The following SYTL3 variants were observed in gnomAD, a reference collection of about 807,000 sequenced individuals.
SYTL3 encodes synaptotagmin-like protein 3.
In SYTL3, 88 loss-of-function variants were observed where a neutral mutation model predicts 82.1. The observed-to-expected ratio is 1.07, with a 90% confidence interval of 0.90 to 1.28. The LOEUF is 1.28. Ranked by LOEUF, SYTL3 falls within the 50% of genes most tolerant of loss-of-function variation. SYTL3 has a pLI of 0.00. For missense variants in SYTL3, 831 were observed against 757.6 expected (o/e 1.10, Z -1.14); for synonymous variants, 311 against 289.4 (o/e 1.07, Z -0.76).
intron 4 of SYTL3, 23 bp downstream of exon 4, chr6:158,663,401 T>A (rs996423873): frequency 6.2e-7 from 1 of 1,610,292 alleles, no homozygotes; most frequent in African/African-American, 1.3e-5. Flanking sequence ...TCCCGGGGGG[T>A]CACTTTGGGT....
At chr6:158,735,113 C>G (rs893498907) in intron 11 of SYTL3, among the ~76,000 whole-genome samples, 1 of 152,102 alleles carries the variant, frequency 6.6e-6, no homozygotes, top group African/African-American at 2.4e-5. Flanking sequence ...GGTTCAGCCT[C>G]ACTCACTCAG....
At chr6:158,693,276 G>A (rs1306689744) in intron 6 of SYTL3, among the ~76,000 whole-genome samples, 1 of 152,186 alleles carries the variant, frequency 6.6e-6, no homozygotes, top group African/African-American at 2.4e-5. Context: ...GGAGCACAGT[G>A]GCGGGATCTT....
chr6:158,648,060 G>T (rs1787598988), upstream of SYTL3, among the ~76,000 whole-genome samples: 1 of 152,198 alleles, frequency 6.6e-6, no homozygotes, highest in Admixed American at 6.5e-5. Context: ...TTGGGAGGCT[G>T]AGGTGGGCAG....
chr6:158,703,127 CT>C, intron 6 of SYTL3, among the ~76,000 whole-genome samples: 1 of 146,684 alleles, frequency 6.8e-6, no homozygotes. Context: ...GTACTCCAGC[CT>C]GGGCGACAGA....
chr6:158,669,178 A>G (rs1448171435), intron 5 of SYTL3, among the ~76,000 whole-genome samples: 1 of 152,246 alleles, frequency 6.6e-6, no homozygotes, highest in Non-Finnish European at 1.5e-5. Flanking sequence ...AGCTTCATCA[A>G]AAAAATAAGA....
At chr6:158,763,231 C>T in intron 16 of SYTL3, 73 bp from the exon 17 acceptor site, 3 of 1,417,042 alleles carry the variant, frequency 2.1e-6, no homozygotes, top group South Asian at 1.2e-5. Context: ...TTCCCGTCTG[C>T]ACTGACGCAC....
chr6:158,663,109 A>G lies in SYTL3; in HGVS notation c.-160A>G, dbSNP rs1374373574. The G allele has an allele frequency of 8.1e-6, 5 of 616,466 alleles. No homozygotes were observed. The highest frequency in any genetic ancestry group is 1.4e-5 in the Non-Finnish European group (5 of 351,466). 38.2% of individuals were successfully genotyped at this position (616,466 alleles called of 1,614,324 possible). A position where few individuals can be genotyped will look rare whatever the true frequency, so the allele number is the denominator to read the frequency against. Reference sequence around the variant, plus strand: ...AAGGAGTATGACACAGTTAAAAAGGAAAAAAGAACCACAAGCAAAACAGTT... The same window carrying G: ...AAGGAGTATGACACAGTTAAAAAGGGAAAAAGAACCACAAGCAAAACAGTT... On this transcript the variant is annotated 5_prime_UTR_variant, in exon 4 of 18. Transcript: ENST00000611299.
intron 9 of SYTL3, among the ~76,000 whole-genome samples, chr6:158,715,639 A>AACCCCCCC (rs1554257152): frequency 1.1e-5 from 1 of 92,994 alleles, no homozygotes; most frequent in Non-Finnish European, 2.1e-5. Context: ...CACCCCCCAT[A>AACCCCCCC]CCCCCCCACC....
chr6:158,691,790 T>C (rs1410667168), intron 6 of SYTL3, among the ~76,000 whole-genome samples: 1 of 151,264 alleles, frequency 6.6e-6, no homozygotes, highest in Non-Finnish European at 1.5e-5. Flanking sequence ...TAGCTGGGAC[T>C]ACGGGCACCT....
intron 6 of SYTL3, among the ~76,000 whole-genome samples, chr6:158,691,946 C>T (rs1301036329): frequency 4.0e-5 from 6 of 148,838 alleles, no homozygotes; most frequent in East Asian, 2.0e-4. Flanking sequence ...CCACCGCGCC[C>T]GGCCAATATT....
intron 12 of SYTL3, among the ~76,000 whole-genome samples, chr6:158,746,882 A>G (rs6455602): frequency 0.49 from 74,433 of 151,766 alleles, 19,026 homozygotes; most frequent in African/African-American, 0.56. Context: ...TTGAACTCTC[A>G]GACTCAAGCA....
In SYTL3 at chr6:158,682,931, C is replaced by A; in HGVS notation, c.336C>A (p.Val112=). 1 of 1,612,496 alleles carries A rather than the reference C, an allele frequency of 6.2e-7. No homozygotes were observed. The highest frequency in any genetic ancestry group is 1.1e-5 in the South Asian group (1 of 91,008). ...TTTCTGCTCATTTTTTCAGGAATGT[C>A]AAAATAAAAACTGGAGAATGGTTCT... The part of the protein sequence containing the change: ...KCTVCFEDRN[V]KIKTGEWFYE... The change falls in exon 6 of 18, where the codon GTC becomes GTA. Residue 112 remains valine, a synonymous_variant. Coordinates refer to ENST00000611299, the MANE Select transcript of SYTL3 (RefSeq NM_001242394.2).
Position 158,762,140 on chromosome 6 carries a change from T to C in SYTL3, c.1479T>C (p.Pro493=), listed in dbSNP as rs1358154097. 1.2e-6 allele frequency: 2 copies of C among 1,614,004 alleles called. No homozygotes were observed. Among genetic ancestry groups the C allele is most frequent in the African/African-American group, 1.3e-5 (1 of 75,002 alleles). The change falls in exon 16 of 18, where the codon CCT becomes CCC. Residue 493 remains proline (P), a synonymous_variant. Coordinates refer to ENST00000611299, the MANE Select transcript of SYTL3 (RefSeq NM_001242394.2). ...TAGTGCTAGGAGCCAAGAATTTACC[T>C]GTGCGGCCAGATGGCACCTTGAACT... ...CLVVLGAKNL[P]VRPDGTLNSF...
At chr6:158,660,306 C>A (rs947519624) in intron 2 of SYTL3, among the ~76,000 whole-genome samples, 1 of 152,134 alleles carries the variant, frequency 6.6e-6, no homozygotes. Flanking sequence ...CAAAAAAACC[C>A]GGAACAGCGC....
chr6:158,681,189 C>T lies in SYTL3; in HGVS notation c.330-1736C>T, dbSNP rs1311780639. On this transcript the variant is annotated intron_variant, in intron 5 of 17. Transcript: ENST00000611299. ...GGATGTGAAGATCTTATAATATTTACATGTTTGCCTTTTTATATCCTAAAA... is the reference window on the plus strand; with the variant it reads ...GGATGTGAAGATCTTATAATATTTATATGTTTGCCTTTTTATATCCTAAAA... 2.0e-5 allele frequency among the ~76,000 whole-genome samples: 3 copies of T among 152,148 alleles called. No homozygotes were observed. In the East Asian group the frequency reaches 5.8e-4, roughly 29 times the overall value.
At chr6:158,670,078 G>T (rs1047191561) in intron 5 of SYTL3, among the ~76,000 whole-genome samples, 2 of 152,222 alleles carry the variant, frequency 1.3e-5, no homozygotes, top group Admixed American at 6.5e-5. Context: ...TGAAAATGAA[G>T]TGACATTTCA....
chr6:158,645,041 G>A (rs139681645), upstream of SYTL3, among the ~76,000 whole-genome samples: 1 of 152,324 alleles, frequency 6.6e-6, no homozygotes, highest in Non-Finnish European at 1.5e-5. Context: ...GCGTGGTCCC[G>A]GCCCCTCCTC....
chr6:158,670,241 C>G (rs1031192797), intron 5 of SYTL3, among the ~76,000 whole-genome samples: 2 of 152,092 alleles, frequency 1.3e-5, no homozygotes, highest in African/African-American at 4.8e-5. Context: ...TTCACAAAGG[C>G]AAATAACTAG....
intron 6 of SYTL3, among the ~76,000 whole-genome samples, chr6:158,690,832 C>T (rs567856141): frequency 1.3e-5 from 2 of 152,138 alleles, no homozygotes; most frequent in African/African-American, 4.8e-5. Context: ...ATCAAAGCAC[C>T]CAGACCTTCA....
Sources: allele counts gnomAD v4.1 joint callset (sites outside exome capture counted in the v4.1 genomes callset), GRCh38; gene constraint gnomAD v4.1.1; transcripts MANE v1.5; gene names NCBI Gene and HGNC (gene_info 2026-07-23, HGNC 2026-07-21).